Variants in TMEM9B observed in about 807,000 individuals in gnomAD.
TMEM9B encodes transmembrane protein 9B.
TMEM9B carries 8 observed loss-of-function variants against 23.5 expected under a neutral mutation model. The ratio of observed to expected loss-of-function variants is 0.34; its 90% CI spans 0.20 to 0.61. TMEM9B has a LOEUF of 0.61. Ranked by LOEUF, TMEM9B falls within the 20% of genes least tolerant of loss-of-function variation. The pLI is 0.78. For missense variants in TMEM9B, 197 were observed against 252.3 expected, an observed-to-expected ratio of 0.78 and a Z score of 1.49; for synonymous variants, 106 against 96.3, an observed-to-expected ratio of 1.10 and a Z score of -0.59.
chr11:8,952,421 C>CT (rs1555228039), intron 4 of TMEM9B, among the ~76,000 whole-genome samples: 9 of 145,750 alleles, frequency 6.2e-5, no homozygotes, highest in Non-Finnish European at 9.1e-5. Flanking sequence ...TTTTTTTTTT[C>CT]TTTTTTTTTA....
chr11:8,948,386 C>G lies in TMEM9B; in HGVS notation c.531G>C (p.Gln177His). ...GCTCTTGGACTTGAAGCTTCCAGCG[C>G]TGCTGTGCATATTCTACCTTGTTCA... Reference protein sequence around the residue: ...NVLNKVEYAQQRWKLQVQEQR... With the variant: ...NVLNKVEYAQHRWKLQVQEQR... Residue 177 changes from glutamine to histidine, a missense_variant, in exon 5 of 5, where the codon CAG becomes CAC. Gln to His is a conservative substitution (Grantham distance 24). Around this residue, in one of 2 missense-constraint regions of TMEM9B, gnomAD observed 141 missense variants for 214.1 expected, o/e 0.66. Coordinates refer to ENST00000534025, the MANE Select transcript of TMEM9B (RefSeq NM_020644.3). 6.2e-7 allele frequency: 1 copy of G among 1,614,236 alleles called. No homozygotes were observed. The highest frequency in any genetic ancestry group is 8.5e-7 in the Non-Finnish European group (1 of 1,180,038).
chr11:8,964,218 G>C lies in TMEM9B; in HGVS notation c.96C>G (p.Asp32Glu). Residue 32 changes from aspartate to glutamate, a missense_variant, in exon 1 of 5, where the codon GAC becomes GAG. Around this residue, in one of 2 missense-constraint regions of TMEM9B, gnomAD observed 56 missense variants for 38.2 expected, o/e 1.46. Transcript: ENST00000534025. ...LSVLLLAQLS[D>E]AAKNFEDVRC... ...GCTGGGCGGGACTCACCTTGGCGGC[G>C]TCTGACAGCTGCGCCAGCAGCAGCA... is the stretch of plus-strand genomic sequence containing the variant. The C allele has an allele frequency of 6.3e-7, 1 of 1,580,996 alleles. No individual in the cohort carries two copies. Among genetic ancestry groups the C allele is most frequent in the Non-Finnish European group, 8.6e-7 (1 of 1,164,408 alleles).
In TMEM9B at chr11:8,957,798, A is replaced by C. The variant is rs1049527468; in HGVS notation, c.198-1500T>G. On this transcript the variant is annotated intron_variant, in intron 2 of 4. Transcript: ENST00000534025. The surrounding 1 kb of genome is among the most constrained non-coding windows in gnomAD (Gnocchi z 4.3). The stretch of plus-strand genomic sequence containing the variant: ...TGCTAAATATTCTGATCAAATCACT[A>C]TATCTTATATGAATTGAAACATCAC... Among the ~76,000 whole-genome samples the C allele has an allele frequency of 6.6e-6, 1 of 152,238 alleles. No individual in the cohort carries two copies. Among genetic ancestry groups the C allele is most frequent in the African/African-American group, 2.4e-5 (1 of 41,470 alleles).
At chr11:8,951,630 C>G (rs1040692373) in intron 4 of TMEM9B, among the ~76,000 whole-genome samples, 1 of 150,776 alleles carries the variant, frequency 6.6e-6, no homozygotes, top group African/African-American at 2.4e-5. Flanking sequence ...CGATGGCGGG[C>G]GCCTGTAGTT....
chr11:8,954,749 G>A (rs567249517), intron 3 of TMEM9B, among the ~76,000 whole-genome samples: 1 of 152,292 alleles, frequency 6.6e-6, no homozygotes, highest in South Asian at 2.1e-4. Context: ...GCTGGAGCAA[G>A]AGCTCTTCCA....
chr11:8,960,685 T>C (rs976092286), intron 2 of TMEM9B, among the ~76,000 whole-genome samples: 1 of 140,694 alleles, frequency 7.1e-6, no homozygotes, highest in East Asian at 2.0e-4. Flanking sequence ...TTGAACATTC[T>C]TTTTTTTTTT....
At position 8,948,234 on chromosome 11, in the gene TMEM9B, T is replaced by C; in HGVS notation, c.*86A>G. 1 of 1,469,850 alleles carries C rather than the reference T, an allele frequency of 6.8e-7. No homozygotes were observed. Among genetic ancestry groups the C allele is most frequent in the East Asian group, 2.3e-5 (1 of 43,500 alleles). 91.1% of individuals were successfully genotyped at this position (1,469,850 alleles called of 1,614,324 possible). ...GCAACAGTTGGTGAAATCAACAAGG[T>C]ATTAAAATGAAACCCAGCAAAACCC... On this transcript the variant is annotated 3_prime_UTR_variant, in exon 5 of 5. Transcript: ENST00000534025.
At chr11:8,963,947 G>A in intron 1 of TMEM9B, 2 of 502,910 alleles carry the variant, frequency 4.0e-6, no homozygotes, top group South Asian at 2.8e-5. Context: ...AGGCGGTGGG[G>A]GGCTGCTGTC....
upstream of TMEM9B, chr11:8,964,461 G>A (rs182950794): frequency 0.02 from 29,135 of 1,421,292 alleles, 338 homozygotes; most frequent in Non-Finnish European, 0.024. Context: ...AGGCGTCACC[G>A]GGCGCGCCGG....
chr11:8,964,560 C>A (rs375646174), upstream of TMEM9B: 253 of 1,150,746 alleles, frequency 2.2e-4, no homozygotes, highest in African/African-American at 3.6e-3. Flanking sequence ...CTTGGCCTAG[C>A]CCCGGCCCCG....
At position 8,962,191 on chromosome 11, in the gene TMEM9B, C is replaced by G. The variant is rs1854093881; in HGVS notation, c.106-8G>C. On this transcript the variant is annotated splice_polypyrimidine_tract_variant and splice_region_variant and intron_variant, in intron 1 of 4. Coordinates refer to ENST00000534025, the MANE Select transcript of TMEM9B (RefSeq NM_020644.3). ...TCTGACATCCTCGAAATTCTGTAAC[C>G]AAAATGGAAACAGTATAGTGCGTTG... The G allele has an allele frequency of 1.3e-6, 2 of 1,581,654 alleles. No individual in the cohort carries two copies. The highest frequency in any genetic ancestry group is 2.3e-5 in the South Asian group (2 of 86,720).
chr11:8,961,829 G>A (rs1397429394), intron 2 of TMEM9B, among the ~76,000 whole-genome samples: 1 of 152,176 alleles, frequency 6.6e-6, no homozygotes, highest in Non-Finnish European at 1.5e-5. Context: ...GCTATGGGTA[G>A]TTTAGGTGCC....
chr11:8,958,114 G>A (rs943218567), intron 2 of TMEM9B, among the ~76,000 whole-genome samples: 8 of 137,188 alleles, frequency 5.8e-5, no homozygotes, highest in East Asian at 2.3e-4. Flanking sequence ...AGCCGAGATC[G>A]TGCCATTGCA....
intron 4 of TMEM9B, among the ~76,000 whole-genome samples, chr11:8,950,404 G>C (rs199827536): frequency 6.6e-6 from 1 of 151,238 alleles, no homozygotes; most frequent in East Asian, 1.9e-4. Flanking sequence ...TATCACCATT[G>C]GTTTGTTTTG....
rs185369653 is a variant in TMEM9B, at chr11:8,957,868, T to A, written c.198-1570A>T. On this transcript the variant is annotated intron_variant, in intron 2 of 4. Transcript: ENST00000534025. This position sits in a 1 kb window ranked among gnomAD's most constrained non-coding sequence, Gnocchi z 4.3. The stretch of plus-strand genomic sequence containing the variant: ...TACAGTTATTGTGTCAATTAAAAAT[T>A]AATTTCAGCCGGGCGCAGTGGCTCA... Among the ~76,000 whole-genome samples the A allele has an allele frequency of 3.6e-3, 549 of 152,278 alleles. 7 individuals carry two copies. Among genetic ancestry groups the A allele is most frequent in the African/African-American group, 0.013 (528 of 41,554 alleles).
chr11:8,964,698 C>G (rs1469132118), upstream of TMEM9B: 2 of 198,994 alleles, frequency 1.0e-5, no homozygotes, highest in African/African-American at 4.7e-5. Context: ...TCCTCCCGCC[C>G]ACGGAGACCC....
Position 8,947,567 on chromosome 11 carries a change from C to CT in TMEM9B, c.*752dup. On this transcript the variant is annotated 3_prime_UTR_variant, in exon 5 of 5. Transcript: ENST00000534025. Reference sequence around the variant, plus strand: ...TCCTTAGGATTTGTCCTTAAAGGTACTAGAAGATGAGTAAGACCACACACA... The same window carrying CT: ...TCCTTAGGATTTGTCCTTAAAGGTACTTAGAAGATGAGTAAGACCACACACA... The CT allele has an allele frequency of 6.5e-6, 1 of 152,682 alleles. No homozygotes were observed. Among genetic ancestry groups the CT allele is most frequent in the East Asian group, 1.9e-4 (1 of 5,186 alleles). 9.5% of individuals were successfully genotyped at this position (152,682 alleles called of 1,614,324 possible). A position where few individuals can be genotyped will look rare whatever the true frequency, so the allele number is the denominator to read the frequency against.
chr11:8,954,306 TTA>T (rs1478356504), intron 3 of TMEM9B, among the ~76,000 whole-genome samples: 16 of 94,172 alleles, frequency 1.7e-4, no homozygotes, highest in African/African-American at 5.3e-4. Flanking sequence ...AAACTGGATT[TTA>T]TTTTTTTTTT....
chr11:8,951,031 C>T (rs1454821503), intron 4 of TMEM9B, among the ~76,000 whole-genome samples: 1 of 152,172 alleles, frequency 6.6e-6, no homozygotes, highest in African/African-American at 2.4e-5. Flanking sequence ...AAGAGTCAGC[C>T]AGGCCTCACA....
Sources: gnomAD v4.1 joint callset for allele counts (sites outside exome capture counted in the v4.1 genomes callset) on GRCh38, gnomAD v4.1.1 for gene constraint, gnomAD v4.1.1 regional missense constraint, Gnocchi (gnomAD v3.1) non-coding constraint, MANE v1.5 for transcripts, NCBI Gene and HGNC (gene_info 2026-07-23, HGNC 2026-07-21) for gene names.